The following CFAP299 variants were observed in gnomAD, a reference collection of about 807,000 sequenced individuals.
CFAP299 encodes the protein cilia and flagella associated protein 299.
CFAP299 carries 21 observed loss-of-function variants against 27.0 expected under a neutral mutation model. The ratio of observed to expected loss-of-function variants is 0.78; its 90% CI spans 0.55 to 1.12. CFAP299 has a LOEUF of 1.12. Ranked by LOEUF, CFAP299 falls within the 50% of genes most tolerant of loss-of-function variation. The pLI, the probability that CFAP299 is intolerant of heterozygous loss-of-function variation, is 0.00. For missense variants in CFAP299, 310 were observed against 276.6 expected (o/e 1.12, Z -0.86); for synonymous variants, 104 against 98.1 (o/e 1.06, Z -0.36).
chr4:80,498,166 C>T (rs1016691755), intron 2 of CFAP299, among the ~76,000 whole-genome samples: 1 of 152,092 alleles, frequency 6.6e-6, no homozygotes, highest in Non-Finnish European at 1.5e-5. Context: ...AGAGGAATTA[C>T]CATTCTGGAC....
At chr4:80,713,036 G>T (rs574701481) in intron 3 of CFAP299, among the ~76,000 whole-genome samples, 23 of 152,148 alleles carry the variant, frequency 1.5e-4, no homozygotes, top group Admixed American at 3.3e-4. Context: ...CAATCATTGA[G>T]TTAAGAGGCC....
intron 3 of CFAP299, among the ~76,000 whole-genome samples, chr4:80,622,973 G>A (rs1466096872): frequency 6.6e-6 from 1 of 152,152 alleles, no homozygotes; most frequent in Non-Finnish European, 1.5e-5. Flanking sequence ...GGACACTGTA[G>A]ACCAAAGTAA....
At chr4:80,668,921 A>G (rs766081323) in intron 3 of CFAP299, among the ~76,000 whole-genome samples, 6 of 152,028 alleles carry the variant, frequency 3.9e-5, no homozygotes, top group Non-Finnish European at 7.4e-5. Flanking sequence ...TGTCATTTTA[A>G]CAATATTAAT....
intron 2 of CFAP299, among the ~76,000 whole-genome samples, chr4:80,459,145 G>A (rs1274556800): frequency 2.0e-5 from 3 of 152,034 alleles, no homozygotes; most frequent in Middle Eastern, 3.4e-3. Flanking sequence ...CCGTGCCCTG[G>A]CTAATTAAAA....
chr4:80,523,942 G>A (rs1733046554), intron 2 of CFAP299, among the ~76,000 whole-genome samples: 1 of 151,874 alleles, frequency 6.6e-6, no homozygotes, highest in Non-Finnish European at 1.5e-5. Context: ...GATAATAAGA[G>A]AACATGTTAA....
intron 4 of CFAP299, among the ~76,000 whole-genome samples, chr4:80,886,740 G>C (rs1281074678): frequency 6.6e-6 from 1 of 152,112 alleles, no homozygotes; most frequent in South Asian, 2.1e-4. Context: ...TAAGGCATCA[G>C]GGACCAATCC....
At chr4:80,542,357 T>G (rs989089623) in intron 2 of CFAP299, among the ~76,000 whole-genome samples, 1 of 152,144 alleles carries the variant, frequency 6.6e-6, no homozygotes, top group African/African-American at 2.4e-5. Context: ...CCAGGAAGAA[T>G]TTCTCCTACT....
chr4:80,518,543 A>C (rs1732704943), intron 2 of CFAP299, among the ~76,000 whole-genome samples: 1 of 152,160 alleles, frequency 6.6e-6, no homozygotes, highest in African/African-American at 2.4e-5. Flanking sequence ...AGGTCAGATT[A>C]CTTTTCATGA....
At chr4:80,909,280 G>A (rs1035484949) in intron 4 of CFAP299, among the ~76,000 whole-genome samples, 6 of 151,798 alleles carry the variant, frequency 4.0e-5, no homozygotes, top group African/African-American at 1.2e-4. Context: ...GTAGTAAAAG[G>A]GAGTTTAGTC....
intron 3 of CFAP299, among the ~76,000 whole-genome samples, chr4:80,672,489 G>C (rs1014214042): frequency 1.3e-5 from 2 of 152,144 alleles, no homozygotes; most frequent in African/African-American, 4.8e-5. Context: ...TCTCTGTCAG[G>C]CTTTCATATC....
At chr4:80,752,412 A>G (rs1452798531) in intron 3 of CFAP299, among the ~76,000 whole-genome samples, 1 of 146,154 alleles carries the variant, frequency 6.8e-6, no homozygotes, top group African/African-American at 2.5e-5. Context: ...TTATATATAT[A>G]TATACACATA....
At chr4:80,747,229 T>C (rs1724669141) in intron 3 of CFAP299, among the ~76,000 whole-genome samples, 1 of 152,074 alleles carries the variant, frequency 6.6e-6, no homozygotes, top group Non-Finnish European at 1.5e-5. Flanking sequence ...GCATAGTACT[T>C]TATTATCATT....
Position 80,630,258 on chromosome 4 carries a change from G to A in CFAP299, c.333+47075G>A, listed in dbSNP as rs146596581. Among the ~76,000 whole-genome samples, 1,043 of 152,192 alleles carry A rather than the reference G, an allele frequency of 6.9e-3. 7 individuals are homozygous for A. Among genetic ancestry groups the A allele is most frequent in the African/African-American group, 7.8e-3 (324 of 41,548 alleles). The stretch of plus-strand genomic sequence containing the variant: ...TCTTGTGGTAGGGAGTAGAAAAGCC[G>A]TACACAGTAAATTAACAGTAAAGTA... On this transcript the variant is annotated intron_variant, in intron 3 of 5. Transcript: ENST00000358105.
At chr4:80,897,113 AT>A (rs1316225002) in intron 4 of CFAP299, among the ~76,000 whole-genome samples, 1 of 152,162 alleles carries the variant, frequency 6.6e-6, no homozygotes, top group Non-Finnish European at 1.5e-5. Context: ...CTATTCAGTA[AT>A]CTTAACCTTC....
At chr4:80,733,547 T>A (rs1723665434) in intron 3 of CFAP299, among the ~76,000 whole-genome samples, 1 of 152,068 alleles carries the variant, frequency 6.6e-6, no homozygotes, top group Admixed American at 6.6e-5. Context: ...AAATACTAGG[T>A]CTTACTCATT....
chr4:80,782,189 T>C (rs1726918548), intron 3 of CFAP299, among the ~76,000 whole-genome samples: 1 of 151,908 alleles, frequency 6.6e-6, no homozygotes, highest in Non-Finnish European at 1.5e-5. Flanking sequence ...AAAGCAAAAG[T>C]GAGACATCTT....
chr4:80,432,673 C>T (rs1009882505), intron 2 of CFAP299, among the ~76,000 whole-genome samples: 1 of 151,676 alleles, frequency 6.6e-6, no homozygotes, highest in African/African-American at 2.4e-5. Context: ...GCTGGGACTA[C>T]AGGCGCCCAC....
intron 2 of CFAP299, among the ~76,000 whole-genome samples, chr4:80,451,663 T>C (rs915425895): frequency 6.6e-6 from 1 of 152,236 alleles, no homozygotes; most frequent in Non-Finnish European, 1.5e-5. Context: ...GACAACATAA[T>C]AGATTCATTT....
At chr4:80,488,220 C>A (rs905311036) in intron 2 of CFAP299, among the ~76,000 whole-genome samples, 3 of 152,176 alleles carry the variant, frequency 2.0e-5, no homozygotes, top group Non-Finnish European at 2.9e-5. Context: ...TACAGCCCCC[C>A]ACTGCCGCAG....
Sources: gnomAD v4.1 joint callset for allele counts (sites outside exome capture counted in the v4.1 genomes callset) on GRCh38, gnomAD v4.1.1 for gene constraint, MANE v1.5 for transcripts, NCBI Gene and HGNC (gene_info 2026-07-23, HGNC 2026-07-21) for gene names.